SAFB: variants seen among roughly 807,000 people sequenced by gnomAD.
SAFB encodes the protein scaffold attachment factor B.
Under a neutral mutation model 101.6 loss-of-function variants are expected in SAFB, and 15 were observed. The ratio of observed to expected loss-of-function variants is 0.15; its 90% CI spans 0.10 to 0.23. The LOEUF (loss-of-function observed/expected upper bound fraction) is 0.23. Ranked by LOEUF, SAFB falls within the 10% of genes least tolerant of loss-of-function variation. The pLI is 1.00. For missense variants in SAFB, 930 were observed against 1,104.1 expected (o/e 0.84, Z 2.23); for synonymous variants, 449 against 407.5 (o/e 1.10, Z -1.23).
intron 9 of SAFB, among the ~76,000 whole-genome samples, chr19:5,651,760 G>A (rs945171790): frequency 2.0e-5 from 3 of 152,160 alleles, no homozygotes; most frequent in Non-Finnish European, 4.4e-5. Context: ...CTGCATTCAG[G>A]GCTCCTCGTC....
At chr19:5,630,508 G>A (rs925532257) in intron 2 of SAFB, among the ~76,000 whole-genome samples, 3 of 152,176 alleles carry the variant, frequency 2.0e-5, no homozygotes, top group Non-Finnish European at 2.9e-5. Flanking sequence ...GGTGGCACAC[G>A]TCCGTAATCC....
intron 9 of SAFB, among the ~76,000 whole-genome samples, chr19:5,652,091 G>A (rs188218031): frequency 1.9e-4 from 29 of 152,208 alleles, no homozygotes; most frequent in Admixed American, 3.9e-4. Context: ...TACTTGGGAC[G>A]CTAAGGCAGG....
chr19:5,667,079 C>A lies in SAFB; in HGVS notation c.2368C>A (p.His790Asn). The change falls in exon 18 of 21, where the codon CAC (histidine) becomes AAC (asparagine). Residue 790 changes from histidine to asparagine, a missense_variant. Physicochemically the swap from His to Asn is moderately conservative, Grantham distance 68. This residue lies in a region of SAFB where 318 missense variants were observed against 342.6 expected (regional missense o/e 0.93). Coordinates refer to ENST00000588852, the MANE Select transcript of SAFB (RefSeq NM_001201338.2). This position sits in a 1 kb window ranked among gnomAD's most constrained non-coding sequence, Gnocchi z 4.0. ...YPERHGGPER[H>N]GRDSRDGWGG... Reference sequence around the variant, plus strand: ...AGAACGCCATGGAGGACCAGAGCGCCACGGCCGGGACTCCCGCGATGGCTG... The same window carrying A: ...AGAACGCCATGGAGGACCAGAGCGCAACGGCCGGGACTCCCGCGATGGCTG... 1 of 1,612,546 alleles carries A rather than the reference C, an allele frequency of 6.2e-7. No homozygotes were observed.
At position 5,667,545 on chromosome 19, in the gene SAFB, C is replaced by T. The variant is rs915957075; in HGVS notation, c.2557+95C>T. 4.8e-4 allele frequency: 430 copies of T among 887,506 alleles called. No individual in the cohort carries two copies. Among genetic ancestry groups the T allele is most frequent in the South Asian group, 1.6e-3 (101 of 63,220 alleles). The allele number at this position is 887,506 out of a possible 1,614,324, so 55.0% of individuals were successfully genotyped here. A position where few individuals can be genotyped will look rare whatever the true frequency, so the allele number is the denominator to read the frequency against. On this transcript the variant is annotated intron_variant, in intron 19 of 20. Transcript: ENST00000588852. This position sits in a 1 kb window ranked among gnomAD's most constrained non-coding sequence, Gnocchi z 4.0. ...TCTCCTTGGGGGAGCACAGGAGGTG[C>T]TCTGCTCTCAGTGCTGGAATGAGGA...
chr19:5,664,189 T>C, intron 16 of SAFB, 30 bp downstream of exon 16: 2 of 1,607,682 alleles, frequency 1.2e-6, no homozygotes, highest in Non-Finnish European at 8.5e-7. Context: ...GGCGTGCGGG[T>C]TTTCTTTTTC....
chr19:5,636,115 T>C (rs1260210215), intron 2 of SAFB, among the ~76,000 whole-genome samples: 1 of 151,994 alleles, frequency 6.6e-6, no homozygotes, highest in Non-Finnish European at 1.5e-5. Flanking sequence ...GAGAAGGATT[T>C]GGCTGCAGTG....
At chr19:5,644,863 C>T (rs1402257910) in intron 4 of SAFB, among the ~76,000 whole-genome samples, 3 of 152,216 alleles carry the variant, frequency 2.0e-5, no homozygotes, top group Admixed American at 1.3e-4. Flanking sequence ...CACCCTCATG[C>T]TGGGAGATGC....
At chr19:5,647,852 C>T (rs754748894) in intron 5 of SAFB, among the ~76,000 whole-genome samples, 164 bp from the exon 6 acceptor site, 12 of 152,162 alleles carry the variant, frequency 7.9e-5, no homozygotes, top group Non-Finnish European at 7.3e-5. Context: ...GGATGCCAGT[C>T]TTATGGAGCC....
At chr19:5,643,915 G>A (rs1400697191) in intron 4 of SAFB, among the ~76,000 whole-genome samples, 5 of 151,904 alleles carry the variant, frequency 3.3e-5, no homozygotes, top group Admixed American at 6.6e-5. Flanking sequence ...ATTTCTGTGT[G>A]TCCCTGGACA....
chr19:5,667,013 CT>C lies in SAFB; in HGVS notation c.2335-25del, dbSNP rs758647853. The C allele has an allele frequency of 2.1e-5, 29 of 1,394,564 alleles. No individual in the cohort carries two copies. Among genetic ancestry groups the C allele is most frequent in the Non-Finnish European group, 2.8e-5 (27 of 979,866 alleles). The allele number at this position is 1,394,564 out of a possible 1,614,324, so 86.4% of individuals were successfully genotyped here. A position where few individuals can be genotyped will look rare whatever the true frequency, so the allele number is the denominator to read the frequency against. On this transcript the variant is annotated intron_variant, in intron 17 of 20. Transcript: ENST00000588852. The surrounding 1 kb of genome is among the most constrained non-coding windows in gnomAD (Gnocchi z 4.0). ...TGGGGTCTGGGCGCTGACACTGAAG[CT>C]TTTTTTTCCCTTCTGGCTCTGTGAT...
Position 5,653,969 on chromosome 19 carries a change from G to A in SAFB, c.1527-92G>A, listed in dbSNP as rs866497827. On this transcript the variant is annotated intron_variant, in intron 11 of 20. Transcript: ENST00000588852. The stretch of plus-strand genomic sequence containing the variant: ...TTGGCCAGGCTGGTCTCGAACTCCC[G>A]GTCTCATGTGATCCGCCCGCCTCAT... The A allele has an allele frequency of 7.6e-5, 92 of 1,202,896 alleles. No homozygotes were observed. In the Middle Eastern group the frequency reaches 2.3e-3, roughly 31 times the overall value. The allele number at this position is 1,202,896 out of a possible 1,614,324, so 74.5% of individuals were successfully genotyped here. A position where few individuals can be genotyped will look rare whatever the true frequency, so the allele number is the denominator to read the frequency against.
intron 13 of SAFB, among the ~76,000 whole-genome samples, chr19:5,655,565 T>C (rs1188569269): frequency 1.3e-5 from 2 of 151,580 alleles, no homozygotes; most frequent in African/African-American, 2.4e-5. Flanking sequence ...GAGAGCCAAC[T>C]TCCCAGTTGC....
intron 17 of SAFB, 163 bp downstream of exon 17, chr19:5,664,602 A>G: frequency 1.6e-6 from 1 of 620,096 alleles, no homozygotes; most frequent in Non-Finnish European, 2.9e-6. Context: ...GAAATTTGGG[A>G]TTATTTGGGG....
chr19:5,667,748 G>C lies in SAFB; in HGVS notation c.2558-72G>C. 1 of 1,495,350 alleles carries C rather than the reference G, an allele frequency of 6.7e-7. No homozygotes were observed. The highest frequency in any genetic ancestry group is 9.3e-7 in the Non-Finnish European group (1 of 1,076,546). The allele number at this position is 1,495,350 out of a possible 1,614,324, so 92.6% of individuals were successfully genotyped here. A position where few individuals can be genotyped will look rare whatever the true frequency, so the allele number is the denominator to read the frequency against. On this transcript the variant is annotated intron_variant, in intron 19 of 20. Transcript: ENST00000588852. The surrounding 1 kb of genome is among the most constrained non-coding windows in gnomAD (Gnocchi z 4.0). Reference sequence around the variant, plus strand: ...TGGGGGCCTCACCAAAGGGAGTGGAGTGGGCTAAATGTGCCGTGGGTTCCA... The same window carrying C: ...TGGGGGCCTCACCAAAGGGAGTGGACTGGGCTAAATGTGCCGTGGGTTCCA...
chr19:5,661,354 T>C (rs894934642), intron 14 of SAFB, 164 bp from the exon 15 acceptor site: 29 of 1,265,140 alleles, frequency 2.3e-5, no homozygotes, highest in Non-Finnish European at 3.0e-5. Flanking sequence ...GGGCTGCTCC[T>C]GTGGGCCCGA....
chr19:5,625,830 G>A (rs1307052407), intron 1 of SAFB, among the ~76,000 whole-genome samples: 1 of 152,144 alleles, frequency 6.6e-6, no homozygotes, highest in Non-Finnish European at 1.5e-5. Flanking sequence ...GTACATGATG[G>A]GGATCGGATG....
intron 2 of SAFB, among the ~76,000 whole-genome samples, chr19:5,628,978 A>G (rs891741024): frequency 8.5e-5 from 13 of 152,078 alleles, no homozygotes; most frequent in Non-Finnish European, 1.9e-4. Context: ...TGTCACTCAG[A>G]TGGAGGGTAG....
chr19:5,639,411 G>A (rs1043322788), intron 2 of SAFB, among the ~76,000 whole-genome samples: 3 of 152,130 alleles, frequency 2.0e-5, no homozygotes, highest in African/African-American at 7.2e-5. Context: ...AGTGAAATGG[G>A]CCAGGGCGCG....
rs2054000814 is a variant in SAFB at position 5,654,092 on chromosome 19, G to C, written c.1558G>C (p.Asp520His). The change falls in exon 12 of 21, where the codon GAC (aspartate) becomes CAC (histidine). Residue 520 changes from aspartate to histidine, a missense_variant. Asp to His is a moderately conservative substitution (Grantham distance 81, BLOSUM62 -1). Transcript: ENST00000588852. ...STNLKRDDKC[D>H]RKDDAKKGDD... is the part of the protein sequence containing the mutation. Reference sequence around the variant, plus strand: ...AAACCTTAAGAGGGATGATAAATGTGACAGAAAAGATGATGCTAAGAAGGG... The same window carrying C: ...AAACCTTAAGAGGGATGATAAATGTCACAGAAAAGATGATGCTAAGAAGGG... The C allele has an allele frequency of 6.2e-7, 1 of 1,614,028 alleles. No individual in the cohort carries two copies. The highest frequency in any genetic ancestry group is 1.3e-5 in the African/African-American group (1 of 74,922).
Sources: gnomAD v4.1 joint callset for allele counts (sites outside exome capture counted in the v4.1 genomes callset) on GRCh38, gnomAD v4.1.1 for gene constraint, gnomAD v4.1.1 regional missense constraint, Gnocchi (gnomAD v3.1) non-coding constraint, MANE v1.5 for transcripts, NCBI Gene and HGNC (gene_info 2026-07-23, HGNC 2026-07-21) for gene names.